Variants in SOX6 observed in about 807,000 individuals in gnomAD.
SOX6 encodes the protein transcription factor SOX-6.
Under a neutral mutation model 97.8 loss-of-function variants are expected in SOX6, and 11 were observed. That is an observed-to-expected ratio of 0.11 (90% CI 0.07 to 0.19). The LOEUF is 0.19. SOX6 is among the 10% of genes least tolerant of loss of function. The pLI is 1.00. For synonymous variants in SOX6, 360 were observed against 371.4 expected (o/e 0.97, Z 0.35); for missense variants, 810 against 1,039.5 (o/e 0.78, Z 3.04).
intron 3 of SOX6, among the ~76,000 whole-genome samples, chr11:16,272,920 T>C (rs1235350411): frequency 1.3e-5 from 2 of 151,914 alleles, no homozygotes; most frequent in Non-Finnish European, 2.9e-5. Flanking sequence ...TTGAGATATA[T>C]GTATTTTAAA....
intron 4 of SOX6, among the ~76,000 whole-genome samples, chr11:16,609,714 T>TA (rs1009472570): frequency 3.9e-5 from 6 of 152,036 alleles, no homozygotes; most frequent in East Asian, 1.9e-4. Flanking sequence ...AAACTCCAGA[T>TA]AAAAAAAGAG....
At chr11:16,561,227 AC>A (rs954990594) in intron 4 of SOX6, among the ~76,000 whole-genome samples, 2 of 152,162 alleles carry the variant, frequency 1.3e-5, no homozygotes, top group African/African-American at 4.8e-5. Flanking sequence ...TGTTGTCTGT[AC>A]TACAACTAAG....
chr11:16,580,618 A>G (rs1428330665), intron 4 of SOX6, among the ~76,000 whole-genome samples: 2 of 152,196 alleles, frequency 1.3e-5, no homozygotes, highest in African/African-American at 4.8e-5. Context: ...GGATAAAGAA[A>G]ATATGTTGCA....
At chr11:16,236,398 A>C (rs1320238182) in intron 3 of SOX6, among the ~76,000 whole-genome samples, 2 of 152,072 alleles carry the variant, frequency 1.3e-5, no homozygotes, top group African/African-American at 4.8e-5. Context: ...CATGCCTGTC[A>C]CAGATTGCTT....
chr11:15,984,031 A>G (rs545966596), intron 15 of SOX6, among the ~76,000 whole-genome samples: 49 of 152,304 alleles, frequency 3.2e-4, no homozygotes, highest in Non-Finnish European at 5.4e-4. Context: ...GATGGGGGCC[A>G]ATACCTGAAT....
At chr11:16,659,529 G>A (rs1847749874) in intron 3 of SOX6, among the ~76,000 whole-genome samples, 1 of 152,032 alleles carries the variant, frequency 6.6e-6, no homozygotes, top group South Asian at 2.1e-4. Context: ...CCCCTTCCAT[G>A]TAAACTTTAG....
chr11:16,506,861 C>A (rs979350780), intron 4 of SOX6, among the ~76,000 whole-genome samples: 1 of 151,988 alleles, frequency 6.6e-6, no homozygotes, highest in African/African-American at 2.4e-5. Context: ...GTCAGGAGTT[C>A]GAGACCAGCC....
At chr11:16,282,200 T>C (rs1269289076) in intron 3 of SOX6, among the ~76,000 whole-genome samples, 1 of 151,004 alleles carries the variant, frequency 6.6e-6, no homozygotes, top group Non-Finnish European at 1.5e-5. Context: ...AAATGCCTTA[T>C]ATCTGTTCCC....
intron 3 of SOX6, among the ~76,000 whole-genome samples, chr11:16,629,884 T>C (rs1269102177): frequency 1.3e-5 from 2 of 152,210 alleles, no homozygotes; most frequent in African/African-American, 2.4e-5. Flanking sequence ...TTTGTGTGCA[T>C]AGAGATGTTC....
intron 3 of SOX6, among the ~76,000 whole-genome samples, chr11:16,667,560 ACT>A (rs1185504580): frequency 3.3e-5 from 5 of 149,882 alleles, no homozygotes; most frequent in Non-Finnish European, 7.5e-5. Context: ...AAAAAAAAAA[ACT>A]TTTATCCTAG....
chr11:16,604,759 G>A (rs937491609), intron 4 of SOX6, among the ~76,000 whole-genome samples: 3 of 152,208 alleles, frequency 2.0e-5, no homozygotes, highest in Admixed American at 6.5e-5. Flanking sequence ...CCCCAAATAG[G>A]GGCTGCATTC....
chr11:16,055,931 T>G (rs1368009718), intron 9 of SOX6, 30 bp from the exon 10 acceptor site: 11 of 1,612,004 alleles, frequency 6.8e-6, no homozygotes, highest in Non-Finnish European at 8.5e-6. Context: ...AACATTGATC[T>G]CTTTAAATGC....
At chr11:16,573,579 T>G (rs1042739189) in intron 4 of SOX6, among the ~76,000 whole-genome samples, 1 of 152,216 alleles carries the variant, frequency 6.6e-6, no homozygotes, top group Non-Finnish European at 1.5e-5. Flanking sequence ...CCAAACTATC[T>G]GCTTAAAGCT....
chr11:16,665,991 C>T (rs1847804545), intron 3 of SOX6, among the ~76,000 whole-genome samples: 2 of 152,230 alleles, frequency 1.3e-5, no homozygotes, highest in African/African-American at 2.4e-5. Context: ...CTGAACATTA[C>T]TGCTACCTAA....
intron 2 of SOX6, among the ~76,000 whole-genome samples, chr11:16,723,765 G>A (rs1433186746): frequency 2.6e-5 from 4 of 152,120 alleles, no homozygotes; most frequent in Non-Finnish European, 5.9e-5. Flanking sequence ...CTGGGTGACA[G>A]AGAGAGACTC....
At chr11:16,261,118 T>G (rs1853878709) in intron 3 of SOX6, among the ~76,000 whole-genome samples, 1 of 152,168 alleles carries the variant, frequency 6.6e-6, no homozygotes, top group South Asian at 2.1e-4. Context: ...TCATGACTTT[T>G]GTCATACTTT....
chr11:16,074,340 G>GA (rs567045426), intron 9 of SOX6, among the ~76,000 whole-genome samples: 2 of 151,908 alleles, frequency 1.3e-5, no homozygotes, highest in South Asian at 2.1e-4. Context: ...AGAAAACTTA[G>GA]AAAAAAACGG....
At chr11:16,100,703 T>A (rs1848922751) in intron 7 of SOX6, among the ~76,000 whole-genome samples, 1 of 151,228 alleles carries the variant, frequency 6.6e-6, no homozygotes, top group Non-Finnish European at 1.5e-5. Context: ...TCAGGCTACC[T>A]CCTGCAATAA....
chr11:16,173,214 G>C (rs1851086738), intron 6 of SOX6, among the ~76,000 whole-genome samples: 1 of 151,924 alleles, frequency 6.6e-6, no homozygotes, highest in Non-Finnish European at 1.5e-5. Flanking sequence ...TTCTGTTAAA[G>C]TTTTCTGATT....
Sources: gnomAD v4.1 joint callset for allele counts (sites outside exome capture counted in the v4.1 genomes callset) on GRCh38, gnomAD v4.1.1 for gene constraint, MANE v1.5 for transcripts, NCBI Gene and HGNC (gene_info 2026-07-23, HGNC 2026-07-21) for gene names.